Variants in E2F7 observed in about 807,000 individuals in gnomAD.
E2F7 encodes transcription factor E2F7.
In E2F7, 35 loss-of-function variants were observed where a neutral mutation model predicts 81.1. The ratio of observed to expected loss-of-function variants is 0.43; its 90% CI spans 0.33 to 0.57. The LOEUF (loss-of-function observed/expected upper bound fraction) is 0.57. E2F7 is among the 20% of genes least tolerant of loss of function. The pLI is 0.04. For synonymous variants in E2F7, 416 were observed against 416.2 expected (o/e 1.00, Z 0.01); for missense variants, 961 against 1,093.7 (o/e 0.88, Z 1.71).
At chr12:77,042,357 G>A (rs1240601752) in intron 7 of E2F7, among the ~76,000 whole-genome samples, 2 of 152,164 alleles carry the variant, frequency 1.3e-5, no homozygotes, top group Non-Finnish European at 2.9e-5. Context: ...GGGTTAAGTG[G>A]CTCACATTTA....
At chr12:77,040,371 A>T (rs1024034726) in intron 7 of E2F7, among the ~76,000 whole-genome samples, 2 of 152,222 alleles carry the variant, frequency 1.3e-5, no homozygotes, top group African/African-American at 2.4e-5. Flanking sequence ...GGCACTAAAA[A>T]GACTGCAAAC....
intron 2 of E2F7, among the ~76,000 whole-genome samples, chr12:77,058,865 T>C (rs1955055673): frequency 6.6e-6 from 1 of 152,206 alleles, no homozygotes; most frequent in Non-Finnish European, 1.5e-5. Context: ...ATGTGTGTCT[T>C]GTCTCAGTAA....
rs1954789116 is a variant in E2F7 at position 77,029,772 on chromosome 12, T to C, written c.1884+59A>G. 5 of 1,590,112 alleles carry C rather than the reference T, an allele frequency of 3.1e-6. No individual in the cohort carries two copies. The African/African-American group carries it at 4.0e-5, about 13-fold the overall frequency. ...CTTATTAATATCAGTGTATCTTCAT[T>C]AGGAAGAAGCTCAGGGCTAACAGGA... is the stretch of plus-strand genomic sequence containing the variant. On this transcript the variant is annotated intron_variant, in intron 10 of 12. Transcript: ENST00000322886.
At chr12:77,054,604 G>A (rs1029023379) in intron 3 of E2F7, among the ~76,000 whole-genome samples, 4 of 152,006 alleles carry the variant, frequency 2.6e-5, no homozygotes, top group Admixed American at 1.3e-4. Flanking sequence ...GTGACTGATC[G>A]CTAAAATCTC....
chr12:77,023,761 T>G lies in E2F7; in HGVS notation c.*254A>C. 1 of 425,742 alleles carries G rather than the reference T, an allele frequency of 2.3e-6. No homozygotes were observed. Among genetic ancestry groups the G allele is most frequent in the Non-Finnish European group, 4.2e-6 (1 of 240,560 alleles). 26.4% of individuals were successfully genotyped at this position (425,742 alleles called of 1,614,324 possible). On this transcript the variant is annotated 3_prime_UTR_variant, in exon 13 of 13. Coordinates refer to ENST00000322886, the MANE Select transcript of E2F7 (RefSeq NM_203394.3). ...CAGATCTACTTCCAGAATAAGACGA[T>G]TCTTGAATCAAAACCATAAGTCAGT...
intron 3 of E2F7, among the ~76,000 whole-genome samples, chr12:77,051,656 C>A (rs1346531455): frequency 1.3e-5 from 2 of 152,018 alleles, no homozygotes; most frequent in Non-Finnish European, 2.9e-5. Flanking sequence ...ATTAAAAAAA[C>A]CTAGGAATAA....
intron 3 of E2F7, among the ~76,000 whole-genome samples, chr12:77,053,030 G>C (rs1389128830): frequency 6.6e-6 from 1 of 152,144 alleles, no homozygotes; most frequent in Admixed American, 6.5e-5. Flanking sequence ...TGTCAGAGAG[G>C]ATATGGGTGA....
chr12:77,044,929 G>A, intron 5 of E2F7, 134 bp from the exon 6 acceptor site: 2 of 1,026,606 alleles, frequency 1.9e-6, no homozygotes, highest in East Asian at 2.6e-5. Flanking sequence ...GAAGCTTACT[G>A]GATACACATC....
chr12:77,025,473 G>A (rs1382663629), intron 12 of E2F7, 85 bp downstream of exon 12: 14 of 1,484,190 alleles, frequency 9.4e-6, no homozygotes, highest in South Asian at 9.0e-5. Context: ...GCCTCTGTCC[G>A]GCAGTCATGT....
chr12:77,027,970 T>A lies in E2F7; in HGVS notation c.2053A>T (p.Asn685Tyr). 2 of 1,614,232 alleles carry A rather than the reference T, an allele frequency of 1.2e-6. No individual in the cohort carries two copies. Among genetic ancestry groups the A allele is most frequent in the Non-Finnish European group, 1.7e-6 (2 of 1,180,044 alleles). ...TTTGAAGGCTTTTCAACATCTGTAT[T>A]TCTTGAAGGATTTCCCCACTCAGAA... ...VSSEWGNPSR[N>Y]TDVEKPSKEN... Residue 685 changes from asparagine (N) to tyrosine (Y), a missense_variant, in exon 11 of 13, where the codon AAT (asparagine) becomes TAT (tyrosine). By Grantham distance (143) the Asn-to-Tyr change is moderately radical (BLOSUM62 -2). This residue lies in a region of E2F7 where 587 missense variants were observed against 620.3 expected (regional missense o/e 0.95). Coordinates refer to ENST00000322886, the MANE Select transcript of E2F7 (RefSeq NM_203394.3).
rs1177505671 is a variant in E2F7, at chr12:77,025,653, G to C, written c.2470C>G (p.Leu824Val). 1.2e-6 allele frequency: 2 copies of C among 1,614,206 alleles called. No homozygotes were observed. The highest frequency in any genetic ancestry group is 1.7e-5 in the Admixed American group (1 of 60,020). The change falls in exon 12 of 13, where the codon CTA (leucine) becomes GTA (valine). Residue 824 changes from leucine to valine, a missense_variant. Physicochemically the swap from Leu to Val is conservative, Grantham distance 32 (BLOSUM62 1). Around this residue, in one of 3 missense-constraint regions of E2F7, gnomAD observed 587 missense variants for 620.3 expected, o/e 0.95. Transcript: ENST00000322886. ...TGTGACCTTGACATCACTGGACTTA[G>C]GTTTAGTGAGGGCTGACTCTGAAGC... Reference protein sequence around the residue: ...PQLQSQPSLNLSPVMSRSHSV... With the variant: ...PQLQSQPSLNVSPVMSRSHSV...
At chr12:77,045,259 C>A (rs1190829542) in intron 5 of E2F7, among the ~76,000 whole-genome samples, 1 of 152,178 alleles carries the variant, frequency 6.6e-6, no homozygotes, top group African/African-American at 2.4e-5. Context: ...CCCGCCTCTT[C>A]CACTTCTTTT....
In E2F7 at chr12:77,025,841, G is replaced by C; in HGVS notation, c.2282C>G (p.Ser761Cys). The C allele has an allele frequency of 3.1e-6, 5 of 1,614,084 alleles. No homozygotes were observed. The highest frequency in any genetic ancestry group is 4.2e-6 in the Non-Finnish European group (5 of 1,180,016). Reference protein sequence around the residue: ...PPLGPFPVLYSPAMPGPVSST... With the variant: ...PPLGPFPVLYCPAMPGPVSST... ...AGAAACCGGGCCCGGCATTGCAGGA[G>C]AATAGAGAACAGGAAAAGGGCCCAG... The change falls in exon 12 of 13, where the codon TCT becomes TGT. Residue 761 changes from serine to cysteine, a missense_variant. Physicochemically the swap from Ser to Cys is moderately radical, Grantham distance 112. Coordinates refer to ENST00000322886, the MANE Select transcript of E2F7 (RefSeq NM_203394.3).
intron 7 of E2F7, among the ~76,000 whole-genome samples, chr12:77,036,834 C>T (rs1046210539): frequency 1.1e-4 from 16 of 152,052 alleles, no homozygotes; most frequent in East Asian, 5.9e-4. Flanking sequence ...CTGCGCCTCC[C>T]GGGTTCATGC....
chr12:77,065,125 T>C (rs1366175658), intron 1 of E2F7, among the ~76,000 whole-genome samples: 1 of 152,150 alleles, frequency 6.6e-6, no homozygotes, highest in Non-Finnish European at 1.5e-5. Flanking sequence ...ACTTCTCCAA[T>C]GAAAGCTCCA....
rs1156958611 is a variant in E2F7, at chr12:77,023,086, C to G, written c.*929G>C. 2 of 152,208 alleles carry G rather than the reference C, an allele frequency of 1.3e-5. No individual in the cohort carries two copies. Among genetic ancestry groups the G allele is most frequent in the African/African-American group, 4.8e-5 (2 of 41,444 alleles). The allele number at this position is 152,208 out of a possible 1,614,324, so 9.4% of individuals were successfully genotyped here. A position where few individuals can be genotyped will look rare whatever the true frequency, so the allele number is the denominator to read the frequency against. On this transcript the variant is annotated 3_prime_UTR_variant, in exon 13 of 13. Coordinates refer to ENST00000322886, the MANE Select transcript of E2F7 (RefSeq NM_203394.3). Reference sequence around the variant, plus strand: ...TTCCATATAATCACTTTCTACCATCCTGATTTATTTTACAAACAGCAATTG... The same window carrying G: ...TTCCATATAATCACTTTCTACCATCGTGATTTATTTTACAAACAGCAATTG...
rs538070367 is a variant in E2F7, at chr12:77,046,006, T to C, written c.829+32A>G. 8.8e-6 allele frequency: 14 copies of C among 1,595,662 alleles called. No homozygotes were observed. The South Asian group carries it at 1.5e-4, about 17-fold the overall frequency. Reference sequence around the variant, plus strand: ...AAGAGACCATCACTTGCTCTTTCTCTGCCATTACTCATGAAGTTACAATGG... The same window carrying C: ...AAGAGACCATCACTTGCTCTTTCTCCGCCATTACTCATGAAGTTACAATGG... On this transcript the variant is annotated intron_variant, in intron 5 of 12. Coordinates refer to ENST00000322886, the MANE Select transcript of E2F7 (RefSeq NM_203394.3).
chr12:77,027,325 T>G (rs1448174283), intron 11 of E2F7, among the ~76,000 whole-genome samples: 1 of 152,252 alleles, frequency 6.6e-6, no homozygotes, highest in Non-Finnish European at 1.5e-5. Flanking sequence ...CAGGTGCTAT[T>G]ATTCTAAGTG....
In E2F7 at chr12:77,030,221, G is replaced by A. The variant is rs756644713; in HGVS notation, c.1494C>T (p.Ala498=). ...TCTGAGCAACAGAAAATACTGGGTG[G>A]GCTAAAGGATTAACACAATATTCTG... ...VDPEYCVNPL[A]HPVFSVAQTD... is the part of the protein sequence containing the mutation. Residue 498 remains alanine (A), a synonymous_variant, in exon 10 of 13, where the codon GCC becomes GCT. Transcript: ENST00000322886. 2 of 1,614,086 alleles carry A rather than the reference G, an allele frequency of 1.2e-6. No homozygotes were observed. The highest frequency in any genetic ancestry group is 1.7e-6 in the Non-Finnish European group (2 of 1,179,988).
Sources: allele counts gnomAD v4.1 joint callset (sites outside exome capture counted in the v4.1 genomes callset), GRCh38; gene constraint gnomAD v4.1.1; regional missense constraint gnomAD v4.1.1; transcripts MANE v1.5; gene names NCBI Gene and HGNC (gene_info 2026-07-23, HGNC 2026-07-21).